Variants in SRP68 observed in about 807,000 individuals in gnomAD.
SRP68 encodes the protein signal recognition particle 68.
SRP68 carries 15 observed loss-of-function variants against 82.2 expected under a neutral mutation model. That is an observed-to-expected ratio of 0.18 (90% CI 0.12 to 0.28). The LOEUF (loss-of-function observed/expected upper bound fraction) is 0.28. Ranked by LOEUF, SRP68 falls within the 10% of genes least tolerant of loss-of-function variation. The probability of loss-of-function intolerance (pLI) is 1.00; values close to 1 mark genes in which losing one functional copy is unlikely to be tolerated. For missense variants in SRP68, 595 were observed against 780.5 expected, an observed-to-expected ratio of 0.76 and a Z score of 2.83; for synonymous variants, 261 against 292.6, an observed-to-expected ratio of 0.89 and a Z score of 1.10.
At chr17:76,067,414 G>A in intron 2 of SRP68, 84 bp from the exon 3 acceptor site, 1 of 930,844 alleles carries the variant, frequency 1.1e-6, no homozygotes, top group Non-Finnish European at 1.7e-6. Flanking sequence ...AAGGTCAAGG[G>A]TCAATGGTTT....
chr17:76,065,909 T>A (rs913025715), intron 3 of SRP68, among the ~76,000 whole-genome samples: 1 of 151,514 alleles, frequency 6.6e-6, no homozygotes, highest in African/African-American at 2.4e-5. Flanking sequence ...TCTCCTTCTA[T>A]ATCTAGTGTG....
chr17:76,065,063 A>G (rs972620919), intron 3 of SRP68, among the ~76,000 whole-genome samples: 1 of 152,144 alleles, frequency 6.6e-6, no homozygotes, highest in African/African-American at 2.4e-5. Flanking sequence ...CTACTTTATT[A>G]TTATACTGGT....
In SRP68 at chr17:76,039,666, T is replaced by G. The variant is rs2066574179; in HGVS notation, c.*40A>C. ...GCTGGGATTTTCTCACAATACAGAT[T>G]AAGAGTCAGAATCTCCCCCGCCCCC... On this transcript the variant is annotated 3_prime_UTR_variant, in exon 16 of 16. Transcript: ENST00000307877. The G allele has an allele frequency of 1.3e-6, 2 of 1,581,274 alleles. No individual in the cohort carries two copies. Among genetic ancestry groups the G allele is most frequent in the Non-Finnish European group, 1.7e-6 (2 of 1,152,546 alleles).
At chr17:76,045,160 C>A (rs1408641081) in intron 12 of SRP68, 132 bp downstream of exon 12, 19 of 691,728 alleles carry the variant, frequency 2.7e-5, no homozygotes, top group Admixed American at 1.3e-4. Flanking sequence ...CTGGGCTGAC[C>A]TTCCTCTGAT....
chr17:76,062,764 T>A (rs868032469), intron 4 of SRP68, among the ~76,000 whole-genome samples: 13 of 74,768 alleles, frequency 1.7e-4, no homozygotes, highest in Middle Eastern at 6.5e-3. Flanking sequence ...TATATATATA[T>A]AAAATATATA....
intron 2 of SRP68, 73 bp downstream of exon 2, chr17:76,070,305 G>C: frequency 8.6e-7 from 1 of 1,161,288 alleles, no homozygotes; most frequent in Admixed American, 1.7e-5. Flanking sequence ...TGATATAGCA[G>C]AGTAAACAGG....
Position 76,061,168 on chromosome 17 carries a change from C to T in SRP68, c.696G>A (p.Leu232=). The change falls in exon 6 of 16, where the codon CTG becomes CTA. Residue 232 remains leucine, a synonymous_variant. Transcript: ENST00000307877. The part of the protein sequence containing the change: ...ASAFTEEQAV[L]YNQRVEEISP... ...AAATCTCTTCCACACGTTGGTTATA[C>T]AGCACAGCCTGCTCCTCTGTGAAAG... 7 of 1,614,070 alleles carry T rather than the reference C, an allele frequency of 4.3e-6. No individual in the cohort carries two copies. Among genetic ancestry groups the T allele is most frequent in the Non-Finnish European group, 5.9e-6 (7 of 1,179,902 alleles).
Position 76,043,927 on chromosome 17 carries a change from C to A in SRP68, c.1426G>T (p.Val476Leu). 1 of 1,611,106 alleles carries A rather than the reference C, an allele frequency of 6.2e-7. No homozygotes were observed. Among genetic ancestry groups the A allele is most frequent in the Non-Finnish European group, 8.5e-7 (1 of 1,179,180 alleles). ...ACAAGGGCTTCGCTCCACTTCTTCA[C>A]CAGCACATAGGACTGAGCAATGAAA... is the stretch of plus-strand genomic sequence containing the variant. ...CFFIAQSYVL[V>L]KKWSEALVLY... The change falls in exon 13 of 16, where the codon GTG (valine) becomes TTG (leucine). Residue 476 changes from valine (V) to leucine (L), a missense_variant. Coordinates refer to ENST00000307877, the MANE Select transcript of SRP68 (RefSeq NM_014230.4).
Position 76,072,163 on chromosome 17 carries a change from C to G in SRP68, c.184+145G>C. On this transcript the variant is annotated intron_variant, in intron 1 of 15. Coordinates refer to ENST00000307877, the MANE Select transcript of SRP68 (RefSeq NM_014230.4). The surrounding 1 kb of genome is among the most constrained non-coding windows in gnomAD (Gnocchi z 4.5). Reference sequence around the variant, plus strand: ...CGAGAGACAGACCCCCCCCGGAATTCTGAGCACCAAAAGGTAAGGGCGAGA... The same window carrying G: ...CGAGAGACAGACCCCCCCCGGAATTGTGAGCACCAAAAGGTAAGGGCGAGA... 7.0e-7 allele frequency: 1 copy of G among 1,418,554 alleles called. No individual in the cohort carries two copies. The highest frequency in any genetic ancestry group is 2.3e-5 in the Admixed American group (1 of 43,624). The allele number at this position is 1,418,554 out of a possible 1,614,324, so 87.9% of individuals were successfully genotyped here.
At chr17:76,068,081 C>T (rs1336879969) in intron 2 of SRP68, among the ~76,000 whole-genome samples, 1 of 151,828 alleles carries the variant, frequency 6.6e-6, no homozygotes, top group Admixed American at 6.6e-5. Flanking sequence ...CACTTGATGT[C>T]AAGAGTTCGA....
At chr17:76,050,396 A>G (rs371091438) in intron 9 of SRP68, 32 bp downstream of exon 9, 2 of 1,530,010 alleles carry the variant, frequency 1.3e-6, no homozygotes, top group Non-Finnish European at 1.8e-6. Flanking sequence ...ACCCGCCCAG[A>G]GCAAGAACCA....
In SRP68 at chr17:76,040,986, A is replaced by T; in HGVS notation, c.1525-8T>A. On this transcript the variant is annotated splice_region_variant and splice_polypyrimidine_tract_variant and intron_variant, in intron 13 of 15. Coordinates refer to ENST00000307877, the MANE Select transcript of SRP68 (RefSeq NM_014230.4). ...TTGCACATCAGGCAGGTCCTGTAAGATTCAGAAAACGTGTACTCCCGAGCC... is the reference window on the plus strand; with the variant it reads ...TTGCACATCAGGCAGGTCCTGTAAGTTTCAGAAAACGTGTACTCCCGAGCC... 1 of 1,612,998 alleles carries T rather than the reference A, an allele frequency of 6.2e-7. No homozygotes were observed. The highest frequency in any genetic ancestry group is 8.5e-7 in the Non-Finnish European group (1 of 1,179,226).
intron 9 of SRP68, 33 bp downstream of exon 9, chr17:76,050,395 G>A (rs376599349): frequency 1.9e-5 from 29 of 1,532,404 alleles, no homozygotes; most frequent in Non-Finnish European, 2.6e-5. Context: ...GACCCGCCCA[G>A]AGCAAGAACC....
At chr17:76,047,534 C>T (rs776637457) in intron 10 of SRP68, among the ~76,000 whole-genome samples, 6 of 152,010 alleles carry the variant, frequency 3.9e-5, no homozygotes, top group Non-Finnish European at 7.4e-5. Context: ...CTATAATCCC[C>T]GCACTGTGGG....
At chr17:76,042,382 T>C (rs896285805) in intron 13 of SRP68, among the ~76,000 whole-genome samples, 4 of 151,530 alleles carry the variant, frequency 2.6e-5, no homozygotes, top group Non-Finnish European at 5.9e-5. Flanking sequence ...GGTCAGCGGA[T>C]CAAGAGGCTT....
chr17:76,061,400 C>G, intron 5 of SRP68, 92 bp downstream of exon 5: 2 of 1,213,180 alleles, frequency 1.6e-6, no homozygotes, highest in Non-Finnish European at 2.4e-6. Flanking sequence ...GTCACCCTCA[C>G]TTTCACAGAA....
intron 8 of SRP68, 57 bp from the exon 9 acceptor site, chr17:76,050,583 A>G (rs186175043): frequency 8.4e-5 from 117 of 1,390,024 alleles, no homozygotes; most frequent in Admixed American, 4.6e-4. Flanking sequence ...ATAGTCACCT[A>G]ATGGGAGAGG....
intron 7 of SRP68, among the ~76,000 whole-genome samples, chr17:76,058,960 T>C (rs1028560531): frequency 2.0e-5 from 3 of 152,122 alleles, no homozygotes; most frequent in African/African-American, 7.2e-5. Context: ...CTGGATAAGG[T>C]GGATCATGCC....
At chr17:76,041,874 G>A (rs1034752907) in intron 13 of SRP68, among the ~76,000 whole-genome samples, 2 of 151,536 alleles carry the variant, frequency 1.3e-5, no homozygotes, top group African/African-American at 2.4e-5. Flanking sequence ...CTCCATCAAC[G>A]ACAGGAACCT....
Sources: gnomAD v4.1 joint callset for allele counts (sites outside exome capture counted in the v4.1 genomes callset) on GRCh38, gnomAD v4.1.1 for gene constraint, Gnocchi (gnomAD v3.1) non-coding constraint, MANE v1.5 for transcripts, NCBI Gene and HGNC (gene_info 2026-07-23, HGNC 2026-07-21) for gene names.